Variants in UGT1A10 observed in about 807,000 individuals in gnomAD.
UGT1A10 encodes the protein UDP-glucuronosyltransferase 1A10.
Under a neutral mutation model 45.8 loss-of-function variants are expected in UGT1A10, and 49 were observed. The ratio of observed to expected loss-of-function variants is 1.07; its 90% CI spans 0.85 to 1.36. The LOEUF (loss-of-function observed/expected upper bound fraction) is 1.36, where lower values mean the gene tolerates loss of function less well. UGT1A10 is among the 40% of genes most tolerant of loss of function. The probability of loss-of-function intolerance (pLI) is 0.00; values close to 1 mark genes in which losing one functional copy is unlikely to be tolerated. For missense variants in UGT1A10, 745 were observed against 668.6 expected (o/e 1.11, Z -1.26); for synonymous variants, 284 against 249.7 (o/e 1.14, Z -1.29).
intron 1 of UGT1A10, among the ~76,000 whole-genome samples, chr2:233,748,554 C>T (rs1045487950): frequency 2.0e-5 from 3 of 151,692 alleles, no homozygotes; most frequent in Non-Finnish European, 2.9e-5. Context: ...CCTAAGCACT[C>T]GCAGGAAGTA....
chr2:233,676,772 G>A (rs1321207441), intron 1 of UGT1A10, among the ~76,000 whole-genome samples: 2 of 152,138 alleles, frequency 1.3e-5, no homozygotes, highest in African/African-American at 2.4e-5. Context: ...CTTTTGGTAG[G>A]AAGACACAGA....
intron 1 of UGT1A10, chr2:233,721,814 C>T: frequency 1.9e-6 from 1 of 515,666 alleles, no homozygotes; most frequent in Non-Finnish European, 3.9e-6. Flanking sequence ...AAAAATCCAG[C>T]ACCCTATTTG....
At chr2:233,758,458 C>T (rs1696885230) in intron 1 of UGT1A10, among the ~76,000 whole-genome samples, 1 of 152,224 alleles carries the variant, frequency 6.6e-6, no homozygotes, top group Non-Finnish European at 1.5e-5. Context: ...GAAGAATTAT[C>T]ACCCTTAAGG....
chr2:233,681,598 G>C (rs567691515), intron 1 of UGT1A10, among the ~76,000 whole-genome samples: 1 of 148,178 alleles, frequency 6.7e-6, no homozygotes, highest in Non-Finnish European at 1.5e-5. Context: ...TATTAGCTTC[G>C]TTCAAATTTA....
chr2:233,741,084 C>G (rs1460124994), intron 1 of UGT1A10, among the ~76,000 whole-genome samples: 1 of 151,860 alleles, frequency 6.6e-6, no homozygotes, highest in Non-Finnish European at 1.5e-5. Context: ...GTCTTTAAAA[C>G]AAACAAGCAA....
At chr2:233,650,769 C>G (rs1389969935) in intron 1 of UGT1A10, among the ~76,000 whole-genome samples, 1 of 152,176 alleles carries the variant, frequency 6.6e-6, no homozygotes. Context: ...GTGCCTCAAA[C>G]TAGATCCTAT....
intron 1 of UGT1A10, among the ~76,000 whole-genome samples, chr2:233,685,567 C>T (rs1191713801): frequency 6.6e-6 from 1 of 152,184 alleles, no homozygotes; most frequent in African/African-American, 2.4e-5. Flanking sequence ...TCAAATTTAC[C>T]TGTTACTGGG....
chr2:233,748,167 T>C, intron 1 of UGT1A10: 1 of 1,593,478 alleles, frequency 6.3e-7, no homozygotes, highest in Admixed American at 1.7e-5. Flanking sequence ...CCATATCTAC[T>C]TATCTTTCTG....
chr2:233,651,318 C>A lies in UGT1A10; in HGVS notation c.855+13941C>A, dbSNP rs370088964. On this transcript the variant is annotated intron_variant, in intron 1 of 4. Coordinates refer to ENST00000344644, the MANE Select transcript of UGT1A10 (RefSeq NM_019075.4). The stretch of plus-strand genomic sequence containing the variant: ...GGTCACCCAGAGGGCTTCCGAGATA[C>A]GGAAAGCTATGTGTGATTTTATATC... 6.3e-4 allele frequency among the ~76,000 whole-genome samples: 96 copies of A among 152,062 alleles called. 1 individual carries two copies. Among genetic ancestry groups the A allele is most frequent in the African/African-American group, 2.0e-3 (83 of 41,484 alleles).
chr2:233,654,866 C>T (rs1449055337), intron 1 of UGT1A10, among the ~76,000 whole-genome samples: 23 of 152,086 alleles, frequency 1.5e-4, no homozygotes, highest in African/African-American at 2.9e-4. Flanking sequence ...CTGAGGTGGG[C>T]GGATCACCTG....
rs780046350 is a variant in UGT1A10, at chr2:233,693,232, A to C, written c.855+55855A>C. 5.7e-5 allele frequency: 92 copies of C among 1,614,070 alleles called. No individual in the cohort carries two copies. In the South Asian group the frequency reaches 9.0e-4, roughly 16 times the overall value. On this transcript the variant is annotated intron_variant, in intron 1 of 4. Coordinates refer to ENST00000344644, the MANE Select transcript of UGT1A10 (RefSeq NM_019075.4). ...AAGAATCCAAATACTACACAAGAAA[A>C]ATCTATCCAGTGCCGTATGACCAAG...
rs1699312336 is a variant in UGT1A10, at chr2:233,767,034, G to A, written c.856G>A (p.Glu286Lys). ...CTGAAAATTTTTCTTCTGGCTCTAG[G>A]AATTTGAAGCCTACATTAATGCTTC... ...NCHQGKPLPMEFEAYINASGE... is the reference protein window; with the variant it reads ...NCHQGKPLPMKFEAYINASGE... The change falls in exon 2 of 5, where the codon GAA becomes AAA. Residue 286 changes from glutamate (E) to lysine (K), a missense_variant and splice_region_variant. Physicochemically the swap from Glu to Lys is moderately conservative, Grantham distance 56. Transcript: ENST00000344644. 16 of 1,614,030 alleles carry A rather than the reference G, an allele frequency of 9.9e-6. No homozygotes were observed. The highest frequency in any genetic ancestry group is 1.4e-5 in the Non-Finnish European group (16 of 1,180,002).
At chr2:233,749,384 C>T (rs1010265911) in intron 1 of UGT1A10, among the ~76,000 whole-genome samples, 1 of 151,836 alleles carries the variant, frequency 6.6e-6, no homozygotes, top group Non-Finnish European at 1.5e-5. Flanking sequence ...TCCAGTTTTT[C>T]AATGTGAACA....
chr2:233,766,749 C>T (rs756688417), intron 1 of UGT1A10, among the ~76,000 whole-genome samples: 1 of 152,132 alleles, frequency 6.6e-6, no homozygotes, highest in Non-Finnish European at 1.5e-5. Context: ...CAGGTGTGTG[C>T]ATGTGTGTGC....
chr2:233,682,105 C>T (rs7577789), intron 1 of UGT1A10: 7 of 1,614,078 alleles, frequency 4.3e-6, no homozygotes, highest in South Asian at 3.3e-5. Flanking sequence ...ATGAGGTGGT[C>T]GTAGTCATGC....
intron 1 of UGT1A10, among the ~76,000 whole-genome samples, chr2:233,707,202 C>G (rs2075948467): frequency 6.6e-6 from 1 of 152,136 alleles, no homozygotes; most frequent in African/African-American, 2.4e-5. Flanking sequence ...GTTCTATTCC[C>G]TTTCCATCTT....
intron 1 of UGT1A10, among the ~76,000 whole-genome samples, chr2:233,737,441 G>A (rs780915851): frequency 1.6e-4 from 24 of 152,174 alleles, no homozygotes; most frequent in Non-Finnish European, 2.1e-4. Flanking sequence ...GGAGTGTCCC[G>A]TTTTTCCAGG....
Position 233,748,244 on chromosome 2 carries a change from G to A in UGT1A10, c.856-18790G>A, listed in dbSNP as rs181996074. Among the ~76,000 whole-genome samples the A allele has an allele frequency of 5.8e-4, 88 of 151,858 alleles. 1 individual carries two copies. Among genetic ancestry groups the A allele is most frequent in the African/African-American group, 1.9e-3 (79 of 41,160 alleles). ...AAACTGTTAAGGGGTCTCTAGTAGCGTATTTCAGGTTTTAAATGGTCAATG... is the reference window on the plus strand; with the variant it reads ...AAACTGTTAAGGGGTCTCTAGTAGCATATTTCAGGTTTTAAATGGTCAATG... On this transcript the variant is annotated intron_variant, in intron 1 of 4. Transcript: ENST00000344644.
intron 1 of UGT1A10, among the ~76,000 whole-genome samples, chr2:233,654,012 A>T (rs949913759): frequency 5.9e-5 from 9 of 152,354 alleles, no homozygotes; most frequent in African/African-American, 1.9e-4. Flanking sequence ...TCTTGTGCTA[A>T]TGCACTTCCA....
Sources: allele counts gnomAD v4.1 joint callset (sites outside exome capture counted in the v4.1 genomes callset), GRCh38; gene constraint gnomAD v4.1.1; transcripts MANE v1.5; gene names NCBI Gene and HGNC (gene_info 2026-07-23, HGNC 2026-07-21).